ECE1: variants seen among roughly 807,000 people sequenced by gnomAD.
ECE1 encodes the protein endothelin-converting enzyme 1.
Under a neutral mutation model 98.6 loss-of-function variants are expected in ECE1, and 35 were observed. The observed-to-expected ratio is 0.35, with a 90% CI of 0.27 to 0.47. The LOEUF is 0.47. ECE1 is among the 20% of genes least tolerant of loss of function. The pLI is 1.00. For synonymous variants in ECE1, 394 were observed against 407.1 expected (o/e 0.97, Z 0.39); for missense variants, 814 against 1,025.3 (o/e 0.79, Z 2.81).
At chr1:21,255,807 G>T in intron 8 of ECE1, 140 bp downstream of exon 8, 1 of 937,158 alleles carries the variant, frequency 1.1e-6, no homozygotes. Flanking sequence ...TTCCATCTGT[G>T]GACTGGGCAT....
chr1:21,294,695 C>CT (rs1638303748), upstream of ECE1, among the ~76,000 whole-genome samples: 1 of 152,230 alleles, frequency 6.6e-6, no homozygotes, highest in South Asian at 2.1e-4. The surrounding 1 kb of genome is among the most constrained non-coding windows in gnomAD (Gnocchi z 4.2). Context: ...GCATGACCCC[C>CT]TTTGCCCAGA....
chr1:21,262,731 G>A (rs1052685823), intron 4 of ECE1, among the ~76,000 whole-genome samples: 1 of 152,334 alleles, frequency 6.6e-6, no homozygotes, highest in South Asian at 2.1e-4. Context: ...TTATCACCGG[G>A]AGGGAGAAGG....
In ECE1 at chr1:21,345,235, A is replaced by T; in HGVS notation, c.3+141T>A. 1 of 1,117,502 alleles carries T rather than the reference A, an allele frequency of 8.9e-7. No individual in the cohort carries two copies. Among genetic ancestry groups the T allele is most frequent in the Non-Finnish European group, 1.1e-6 (1 of 904,358 alleles). The allele number at this position is 1,117,502 out of a possible 1,614,324, so 69.2% of individuals were successfully genotyped here. ...GCGCTCCCCGACTCCACGCCTTCCG[A>T]GAGCCGGGCGGGGGCTGCTGCTGCA... On this transcript the variant is annotated intron_variant, in intron 1 of 18. Transcript: ENST00000415912. This position sits in a 1 kb window ranked among gnomAD's most constrained non-coding sequence, Gnocchi z 5.1.
intron 2 of ECE1, among the ~76,000 whole-genome samples, chr1:21,289,304 G>C (rs1276123712): frequency 6.6e-6 from 1 of 152,118 alleles, no homozygotes; most frequent in African/African-American, 2.4e-5. Flanking sequence ...CACGCACCTG[G>C]CTGGCTCCAA....
intron 2 of ECE1, among the ~76,000 whole-genome samples, chr1:21,286,520 G>A (rs754920947): frequency 6.6e-5 from 10 of 152,200 alleles, no homozygotes; most frequent in East Asian, 3.8e-4. Flanking sequence ...GTCTCACAGC[G>A]CAGGAGAGAC....
chr1:21,268,371 A>G (rs892568281), intron 4 of ECE1, among the ~76,000 whole-genome samples: 1 of 152,214 alleles, frequency 6.6e-6, no homozygotes, highest in Non-Finnish European at 1.5e-5. Flanking sequence ...GGGGAGTGGC[A>G]GAGTGAGGTG....
rs950744197 is a variant in ECE1, at chr1:21,219,858, G to A, written c.*97C>T. The A allele has an allele frequency of 1.1e-5, 17 of 1,510,474 alleles. No individual in the cohort carries two copies. Among genetic ancestry groups the A allele is most frequent in the Middle Eastern group, 2.3e-4 (1 of 4,330 alleles). 93.6% of individuals were successfully genotyped at this position (1,510,474 alleles called of 1,614,324 possible). ...CGCCAGTGTGAGGAAGCAGGGCCCC[G>A]GGTGGCCAAGCGGGCTGAGCAATGC... is the stretch of plus-strand genomic sequence containing the variant. On this transcript the variant is annotated 3_prime_UTR_variant, in exon 19 of 19. Coordinates refer to ENST00000374893, the MANE Select transcript of ECE1 (RefSeq NM_001397.3). This position sits in a 1 kb window ranked among gnomAD's most constrained non-coding sequence, Gnocchi z 4.5.
At chr1:21,241,491 C>T (rs545175253) in intron 10 of ECE1, among the ~76,000 whole-genome samples, 11 of 148,346 alleles carry the variant, frequency 7.4e-5, no homozygotes, top group Non-Finnish European at 1.3e-4. Context: ...GGTGTGATAC[C>T]GGCTCACTGC....
chr1:21,260,506 A>G lies in ECE1; in HGVS notation c.494-114T>C. On this transcript the variant is annotated intron_variant, in intron 4 of 18. Transcript: ENST00000374893. This position sits in a 1 kb window ranked among gnomAD's most constrained non-coding sequence, Gnocchi z 4.3. The stretch of plus-strand genomic sequence containing the variant: ...TTCTCAGCTGCAAAGGAGCTCTGAC[A>G]TCTGCCTGTCGGAGTGGCAGTGAGG... The G allele has an allele frequency of 5.2e-6, 7 of 1,338,372 alleles. No individual in the cohort carries two copies. Among genetic ancestry groups the G allele is most frequent in the Non-Finnish European group, 6.4e-6 (6 of 937,586 alleles). The allele number at this position is 1,338,372 out of a possible 1,614,324, so 82.9% of individuals were successfully genotyped here.
At chr1:21,293,447 T>C (rs2103366951), upstream of ECE1, 1 of 151,934 alleles carries the variant, frequency 6.6e-6, no homozygotes, top group Middle Eastern at 3.4e-3. Context: ...AAGGGCTTAG[T>C]CTGGGGCTGG....
At chr1:21,335,628 G>A (rs1639293028) in intron 1 of ECE1, among the ~76,000 whole-genome samples, 1 of 152,220 alleles carries the variant, frequency 6.6e-6, no homozygotes, top group African/African-American at 2.4e-5. Flanking sequence ...CACCCAGGGT[G>A]GACAGAGTCG....
chr1:21,295,511 G>C (rs1047344133), intron 1 of ECE1, among the ~76,000 whole-genome samples: 1 of 152,100 alleles, frequency 6.6e-6, no homozygotes, highest in African/African-American at 2.4e-5. Flanking sequence ...CATGTGATTA[G>C]CTTATTTTAA....
chr1:21,281,584 T>C (rs2098254631), intron 2 of ECE1, among the ~76,000 whole-genome samples: 1 of 152,258 alleles, frequency 6.6e-6, no homozygotes, highest in East Asian at 1.9e-4. Context: ...CTGACGTATG[T>C]GTCCTGCTGC....
intron 8 of ECE1, among the ~76,000 whole-genome samples, chr1:21,254,491 G>C (rs1163557743): frequency 6.6e-6 from 1 of 152,044 alleles, no homozygotes; most frequent in South Asian, 2.1e-4. Flanking sequence ...TGGAAGAAGA[G>C]AGCAGAAGCA....
intron 1 of ECE1, among the ~76,000 whole-genome samples, chr1:21,333,996 G>A (rs956245716): frequency 1.3e-5 from 2 of 152,198 alleles, no homozygotes; most frequent in African/African-American, 4.8e-5. Flanking sequence ...ATTTCATAGA[G>A]GAGAAAACCG....
chr1:21,323,691 T>C (rs186033166), intron 1 of ECE1, among the ~76,000 whole-genome samples: 1 of 152,126 alleles, frequency 6.6e-6, no homozygotes, highest in African/African-American at 2.4e-5. Context: ...ATGAAACTTA[T>C]ATGCTAGTAG....
chr1:21,221,589 C>T (rs1031952462), intron 18 of ECE1, among the ~76,000 whole-genome samples, 158 bp downstream of exon 18: 18 of 152,202 alleles, frequency 1.2e-4, no homozygotes, highest in Non-Finnish European at 2.1e-4. Context: ...TGGGCCCTTC[C>T]GTGCATCTCT....
intron 10 of ECE1, among the ~76,000 whole-genome samples, chr1:21,239,792 T>A (rs2098193667): frequency 6.6e-6 from 1 of 151,982 alleles, no homozygotes; most frequent in South Asian, 2.1e-4. Context: ...TTTCTTTTTT[T>A]TTTTTTTAGC....
chr1:21,241,070 CA>C (rs1326406913), intron 10 of ECE1, among the ~76,000 whole-genome samples: 2 of 152,212 alleles, frequency 1.3e-5, no homozygotes, highest in African/African-American at 4.8e-5. Context: ...GCACCATCCA[CA>C]GCAGTAATCA....
Sources: allele counts gnomAD v4.1 joint callset (sites outside exome capture counted in the v4.1 genomes callset), GRCh38; gene constraint gnomAD v4.1.1; non-coding constraint Gnocchi (gnomAD v3.1); transcripts MANE v1.5; gene names NCBI Gene and HGNC (gene_info 2026-07-23, HGNC 2026-07-21).